GPC5: variants seen among roughly 807,000 people sequenced by gnomAD.
GPC5 encodes the protein glypican-5.
Under a neutral mutation model 53.9 loss-of-function variants are expected in GPC5, and 47 were observed. The observed-to-expected ratio is 0.87, with a 90% CI of 0.69 to 1.11. The LOEUF (loss-of-function observed/expected upper bound fraction) is 1.11, where lower values mean the gene tolerates loss of function less well. Ranked by LOEUF, GPC5 falls within the 50% of genes most tolerant of loss-of-function variation. The pLI, the probability that GPC5 is intolerant of heterozygous loss-of-function variation, is 0.00. For missense variants in GPC5, 748 were observed against 713.1 expected (o/e 1.05, Z -0.56); for synonymous variants, 286 against 263.3 (o/e 1.09, Z -0.84).
At chr13:92,492,353 A>G (rs912736840) in intron 7 of GPC5, among the ~76,000 whole-genome samples, 1 of 151,502 alleles carries the variant, frequency 6.6e-6, no homozygotes, top group Non-Finnish European at 1.5e-5. Context: ...GTGGGGTGGG[A>G]GAGGGGGGAG....
chr13:92,684,336 T>C (rs1158249327), intron 7 of GPC5, among the ~76,000 whole-genome samples: 5 of 152,086 alleles, frequency 3.3e-5, no homozygotes, highest in Admixed American at 3.3e-4. Flanking sequence ...AGTGGCACGA[T>C]CTCAGCTCAC....
intron 7 of GPC5, among the ~76,000 whole-genome samples, chr13:92,417,784 G>A (rs961971894): frequency 1.2e-4 from 18 of 152,118 alleles, no homozygotes; most frequent in Non-Finnish European, 2.5e-4. Flanking sequence ...CCAGCTATTC[G>A]GGGGGCTGAT....
intron 2 of GPC5, among the ~76,000 whole-genome samples, chr13:91,590,410 A>G (rs1004276908): frequency 1.3e-5 from 2 of 152,138 alleles, no homozygotes; most frequent in Non-Finnish European, 2.9e-5. Flanking sequence ...ACTGGAAAAC[A>G]TGAACATATA....
chr13:91,620,617 C>A (rs2139361201), intron 2 of GPC5, among the ~76,000 whole-genome samples: 1 of 152,264 alleles, frequency 6.6e-6, no homozygotes. Flanking sequence ...GTTATGGTCT[C>A]TCTGCCCTCC....
chr13:92,812,621 G>T (rs1036539310), intron 7 of GPC5, among the ~76,000 whole-genome samples: 1 of 151,634 alleles, frequency 6.6e-6, no homozygotes, highest in Admixed American at 6.6e-5. Context: ...AGGCAACTAG[G>T]TAAGAAAAAG....
At chr13:92,755,001 C>T (rs572619676) in intron 7 of GPC5, among the ~76,000 whole-genome samples, 42 of 152,272 alleles carry the variant, frequency 2.8e-4, no homozygotes, top group African/African-American at 9.9e-4. Context: ...CTACAGAACT[C>T]TCCACCCCAA....
intron 5 of GPC5, among the ~76,000 whole-genome samples, chr13:91,863,172 C>T (rs1566310378): frequency 6.6e-6 from 1 of 151,944 alleles, no homozygotes; most frequent in Non-Finnish European, 1.5e-5. Context: ...TGCACTTTGA[C>T]AAGAATATCA....
chr13:92,241,932 A>T (rs2042614799), intron 7 of GPC5: 1 of 152,050 alleles, frequency 6.6e-6, no homozygotes, highest in African/African-American at 2.4e-5. Flanking sequence ...GAAGTAGAAG[A>T]ATTAGAAATT....
chr13:91,747,100 G>T (rs1288457565), intron 4 of GPC5, among the ~76,000 whole-genome samples: 1 of 152,044 alleles, frequency 6.6e-6, no homozygotes, highest in African/African-American at 2.4e-5. Flanking sequence ...GAAATTAACT[G>T]GTTAGTCATG....
chr13:92,169,519 A>C (rs1398914782), intron 7 of GPC5, among the ~76,000 whole-genome samples: 1 of 152,220 alleles, frequency 6.6e-6, no homozygotes, highest in Non-Finnish European at 1.5e-5. Context: ...TGACAAGACA[A>C]ATCATTGAAA....
chr13:92,821,092 C>T (rs1033134100), intron 7 of GPC5, among the ~76,000 whole-genome samples: 11 of 152,140 alleles, frequency 7.2e-5, no homozygotes, highest in Non-Finnish European at 1.6e-4. Context: ...GACACAAATC[C>T]TGACATTGTG....
At chr13:92,548,659 A>T (rs994146111) in intron 7 of GPC5, among the ~76,000 whole-genome samples, 3 of 152,090 alleles carry the variant, frequency 2.0e-5, no homozygotes, top group South Asian at 2.1e-4. Context: ...AGACATAAAA[A>T]GTTTAAAACT....
intron 7 of GPC5, among the ~76,000 whole-genome samples, chr13:92,322,343 A>G (rs1199384805): frequency 2.7e-5 from 4 of 150,930 alleles, no homozygotes; most frequent in Non-Finnish European, 5.9e-5. Context: ...AAATAAAAAG[A>G]AAAAAAAATA....
intron 7 of GPC5, among the ~76,000 whole-genome samples, chr13:92,243,037 T>C (rs2042625104): frequency 6.6e-6 from 1 of 152,336 alleles, no homozygotes; most frequent in Admixed American, 6.5e-5. Context: ...TTCTCTCACA[T>C]TGTTTGTAGT....
rs566620728 is a variant in GPC5 at position 91,585,785 on chromosome 13, G to T, written c.326-107402G>T. The stretch of plus-strand genomic sequence containing the variant: ...CACATAGTTTGCAGTTGAGCTCTGT[G>T]TATTAACTTCTGTCTACGTCTTCTG... On this transcript the variant is annotated intron_variant, in intron 2 of 7. Coordinates refer to ENST00000377067, the MANE Select transcript of GPC5 (RefSeq NM_004466.6). Among the ~76,000 whole-genome samples the T allele has an allele frequency of 3.0e-4, 46 of 152,220 alleles. No homozygotes were observed. The South Asian group carries it at 9.3e-3, about 31-fold the overall frequency.
At chr13:91,983,522 A>G (rs180802894) in intron 6 of GPC5, among the ~76,000 whole-genome samples, 3 of 152,222 alleles carry the variant, frequency 2.0e-5, no homozygotes, top group Admixed American at 2.0e-4. Flanking sequence ...CTGACATCCT[A>G]AAAGAGGAAG....
chr13:92,350,009 A>G (rs1208579765), intron 7 of GPC5, among the ~76,000 whole-genome samples: 3 of 152,244 alleles, frequency 2.0e-5, no homozygotes, highest in Non-Finnish European at 4.4e-5. Context: ...AGCTGAATTT[A>G]TCAACACATT....
At chr13:92,716,119 G>A (rs189423253) in intron 7 of GPC5, among the ~76,000 whole-genome samples, 2 of 152,236 alleles carry the variant, frequency 1.3e-5, no homozygotes, top group East Asian at 3.9e-4. Flanking sequence ...CGTGGCAAGA[G>A]TCAATCATTC....
intron 7 of GPC5, among the ~76,000 whole-genome samples, chr13:92,519,991 C>G (rs955977725): frequency 6.6e-6 from 1 of 152,162 alleles, no homozygotes; most frequent in African/African-American, 2.4e-5. Context: ...TCAGAGAATA[C>G]TATAAACACC....
Sources: allele counts gnomAD v4.1 joint callset (sites outside exome capture counted in the v4.1 genomes callset), GRCh38; gene constraint gnomAD v4.1.1; transcripts MANE v1.5; gene names NCBI Gene and HGNC (gene_info 2026-07-23, HGNC 2026-07-21).